Variants in PARVG observed in about 807,000 individuals in gnomAD.
PARVG encodes gamma-parvin.
In PARVG, 36 loss-of-function variants were observed where a neutral mutation model predicts 44.4. The observed-to-expected ratio is 0.81, with a 90% confidence interval of 0.62 to 1.07. The LOEUF is 1.07. PARVG is among the 50% of genes least tolerant of loss of function. The probability of loss-of-function intolerance (pLI) is 0.00; values close to 1 mark genes in which losing one functional copy is unlikely to be tolerated. For missense variants in PARVG, 407 were observed against 407.4 expected, an observed-to-expected ratio of 1.00 and a Z score of 0.01; for synonymous variants, 170 against 174.1, an observed-to-expected ratio of 0.98 and a Z score of 0.19.
chr22:44,185,878 G>A lies in PARVG; in HGVS notation c.144+6G>A. ...AATTTGAAGAACTGCAGAAGGTACA[G>A]CAGCCTCCACAGCCCTGACTTCCCT... On this transcript the variant is annotated splice_donor_region_variant and intron_variant, in intron 4 of 13. Coordinates refer to ENST00000444313, the MANE Select transcript of PARVG (RefSeq NM_022141.7). 6.2e-7 allele frequency: 1 copy of A among 1,612,236 alleles called. No homozygotes were observed. Among genetic ancestry groups the A allele is most frequent in the Non-Finnish European group, 8.5e-7 (1 of 1,178,742 alleles).
chr22:44,188,928 C>T (rs1223122465), intron 5 of PARVG, 186 bp from the exon 6 acceptor site: 2 of 568,624 alleles, frequency 3.5e-6, no homozygotes, highest in African/African-American at 3.9e-5. Context: ...AGATGAGGGT[C>T]TCCTGGAAGC....
chr22:44,178,008 C>T (rs1206319249), upstream of PARVG, among the ~76,000 whole-genome samples: 1 of 152,112 alleles, frequency 6.6e-6, no homozygotes, highest in Non-Finnish European at 1.5e-5. Flanking sequence ...TAACTAGAAG[C>T]CTCCACAAAA....
Position 44,190,686 on chromosome 22 carries a change from G to A in PARVG, c.504+20G>A. The A allele has an allele frequency of 6.3e-7, 1 of 1,583,366 alleles. No homozygotes were observed. Among genetic ancestry groups the A allele is most frequent in the Non-Finnish European group, 8.7e-7 (1 of 1,151,876 alleles). On this transcript the variant is annotated intron_variant, in intron 7 of 13. Coordinates refer to ENST00000444313, the MANE Select transcript of PARVG (RefSeq NM_022141.7). ...ATCGAGGTAGCAGCCTGGGCCCCAG[G>A]GATTTGTAAGCAGAAGCTGAGCCTC...
chr22:44,206,530 A>T lies in PARVG; in HGVS notation c.*104A>T. 1 of 978,868 alleles carries T rather than the reference A, an allele frequency of 1.0e-6. No homozygotes were observed. The highest frequency in any genetic ancestry group is 1.6e-6 in the Non-Finnish European group (1 of 623,234). 60.6% of individuals were successfully genotyped at this position (978,868 alleles called of 1,614,324 possible). A position where few individuals can be genotyped will look rare whatever the true frequency, so the allele number is the denominator to read the frequency against. Reference sequence around the variant, plus strand: ...TCCCGCTGTTTCCTGTGCATTCGTGACCCGCTTCCCTCCCACCCTGTCTCC... The same window carrying T: ...TCCCGCTGTTTCCTGTGCATTCGTGTCCCGCTTCCCTCCCACCCTGTCTCC... On this transcript the variant is annotated 3_prime_UTR_variant, in exon 14 of 14. Coordinates refer to ENST00000444313, the MANE Select transcript of PARVG (RefSeq NM_022141.7).
chr22:44,196,902 AG>A (rs2054625967), intron 11 of PARVG, among the ~76,000 whole-genome samples: 2 of 152,194 alleles, frequency 1.3e-5, no homozygotes, highest in Non-Finnish European at 2.9e-5. Context: ...TCCCAGGAGC[AG>A]GAGCAGAATC....
At position 44,195,559 on chromosome 22, in the gene PARVG, G is replaced by C. The variant is rs1006311378; in HGVS notation, c.584-596G>C. 5.3e-5 allele frequency among the ~76,000 whole-genome samples: 8 copies of C among 152,362 alleles called. No individual in the cohort carries two copies. The East Asian group carries it at 1.5e-3, about 29-fold the overall frequency. ...GAGGCTGGACCCCAGGGCCTGAGCC[G>C]CTGTTCCCAGACCCCAAGGGAGTGA... On this transcript the variant is annotated intron_variant, in intron 9 of 13. Coordinates refer to ENST00000444313, the MANE Select transcript of PARVG (RefSeq NM_022141.7).
upstream of PARVG, among the ~76,000 whole-genome samples, chr22:44,177,026 C>T (rs999319715): frequency 1.8e-4 from 28 of 152,220 alleles, no homozygotes; most frequent in African/African-American, 6.5e-4. Context: ...TCTCATGACA[C>T]GTGGGGATTA....
chr22:44,180,034 A>G (rs1430237351), upstream of PARVG, among the ~76,000 whole-genome samples: 1 of 151,972 alleles, frequency 6.6e-6, no homozygotes, highest in Admixed American at 6.6e-5. Flanking sequence ...GCAGCAGGGG[A>G]CTTCTTTTCT....
Position 44,187,871 on chromosome 22 carries a change from C to G in PARVG, c.240C>G (p.His80Gln). The change falls in exon 5 of 14, where the codon CAC becomes CAG. Residue 80 changes from histidine (H) to glutamine (Q), a missense_variant. Physicochemically the swap from His to Gln is conservative, Grantham distance 24 (BLOSUM62 0). Coordinates refer to ENST00000444313, the MANE Select transcript of PARVG (RefSeq NM_022141.7). ...TGTTCGACGGGCTCATCCTACACCACCTATTCCGTAAGTGGCTGTTTCTGG... is the reference window on the plus strand; with the variant it reads ...TGTTCGACGGGCTCATCCTACACCAGCTATTCCGTAAGTGGCTGTTTCTGG... ...EDMFDGLILH[H>Q]LFQRLAALKL... 1 of 1,614,218 alleles carries G rather than the reference C, an allele frequency of 6.2e-7. No homozygotes were observed. The highest frequency in any genetic ancestry group is 1.1e-5 in the South Asian group (1 of 91,090).
At chr22:44,179,132 A>G (rs1446493064), upstream of PARVG, among the ~76,000 whole-genome samples, 1 of 152,074 alleles carries the variant, frequency 6.6e-6, no homozygotes, top group East Asian at 1.9e-4. This position sits in a 1 kb window ranked among gnomAD's most constrained non-coding sequence, Gnocchi z 4.2. Flanking sequence ...TCTCTGAAAA[A>G]AAAAAAGGCT....
intron 1 of PARVG, among the ~76,000 whole-genome samples, chr22:44,175,072 A>C (rs1368605704): frequency 6.6e-6 from 1 of 152,268 alleles, no homozygotes; most frequent in Non-Finnish European, 1.5e-5. Context: ...CAGTAAGCTG[A>C]GACTGCACCA....
chr22:44,199,196 GTCCA>G (rs940004675), intron 12 of PARVG, among the ~76,000 whole-genome samples: 4 of 130,136 alleles, frequency 3.1e-5, no homozygotes, highest in African/African-American at 1.2e-4. Flanking sequence ...CATCTACCCA[GTCCA>G]TCCATCCATC....
chr22:44,194,683 C>T (rs983109143), intron 9 of PARVG, among the ~76,000 whole-genome samples: 21 of 151,906 alleles, frequency 1.4e-4, no homozygotes, highest in African/African-American at 5.1e-4. Context: ...TCCATCCATC[C>T]ATCCATCCAC....
At chr22:44,176,996 G>C (rs2054325131), upstream of PARVG, among the ~76,000 whole-genome samples, 1 of 152,096 alleles carries the variant, frequency 6.6e-6, no homozygotes, top group African/African-American at 2.4e-5. Context: ...CCATGATTCA[G>C]TTACCTCCCA....
rs2054795369 is a variant in PARVG, at chr22:44,207,391, G to A, written c.*965G>A. On this transcript the variant is annotated 3_prime_UTR_variant, in exon 14 of 14. Transcript: ENST00000444313. The stretch of plus-strand genomic sequence containing the variant: ...GGGCGGGTGAGGCTGGCGGGGAGGG[G>A]AGGGTTTGTGGGGACGGGTGAGGCT... 9.6e-6 allele frequency: 1 copy of A among 104,378 alleles called. No homozygotes were observed. Among genetic ancestry groups the A allele is most frequent in the Admixed American group, 9.1e-5 (1 of 10,974 alleles). 6.5% of individuals were successfully genotyped at this position (104,378 alleles called of 1,614,324 possible). A position where few individuals can be genotyped will look rare whatever the true frequency, so the allele number is the denominator to read the frequency against.
intron 3 of PARVG, chr22:44,184,323 G>A (rs985084278): frequency 6.6e-6 from 1 of 152,170 alleles, no homozygotes. Context: ...TGTGAATACC[G>A]CCTTTTAATG....
At chr22:44,190,747 C>A (rs1257346248) in intron 7 of PARVG, 81 bp downstream of exon 7, 1 of 1,246,928 alleles carries the variant, frequency 8.0e-7, no homozygotes, top group East Asian at 2.3e-5. Flanking sequence ...ATGGGTGGAG[C>A]TGGCTGGGGC....
rs527597709 is a variant in PARVG, at chr22:44,193,834, T to C, written c.583+11T>C. 3.1e-6 allele frequency: 5 copies of C among 1,614,168 alleles called. No individual in the cohort carries two copies. The highest frequency in any genetic ancestry group is 1.1e-5 in the South Asian group (1 of 91,070). ...AGGACGAGCCTCCAAGTGAGTACTT[T>C]CATCATTTTTGGAAATCTGTTCCTA... On this transcript the variant is annotated intron_variant, in intron 9 of 13. Coordinates refer to ENST00000444313, the MANE Select transcript of PARVG (RefSeq NM_022141.7).
At chr22:44,185,494 C>T (rs753628285) in intron 3 of PARVG, 3 of 268,986 alleles carry the variant, frequency 1.1e-5, no homozygotes, top group Admixed American at 4.5e-5. Flanking sequence ...CACCTCCTCC[C>T]CTCTCTGGCT....
Sources: gnomAD v4.1 joint callset for allele counts (sites outside exome capture counted in the v4.1 genomes callset) on GRCh38, gnomAD v4.1.1 for gene constraint, Gnocchi (gnomAD v3.1) non-coding constraint, MANE v1.5 for transcripts, NCBI Gene and HGNC (gene_info 2026-07-23, HGNC 2026-07-21) for gene names.